Variants in ADARB2 observed in about 807,000 individuals in gnomAD.
The protein encoded by ADARB2 is inactive double-stranded RNA-specific editase B2.
ADARB2 carries 25 observed loss-of-function variants against 62.2 expected under a neutral mutation model. The observed-to-expected ratio is 0.40, with a 90% CI of 0.29 to 0.56. ADARB2 has a LOEUF of 0.56. Among genes scored for constraint, ADARB2 ranks in the 20% least tolerant of loss-of-function variants. The probability of loss-of-function intolerance (pLI) is 0.43; values close to 1 mark genes in which losing one functional copy is unlikely to be tolerated. For synonymous variants in ADARB2, 572 were observed against 500.8 expected (o/e 1.14, Z -1.90); for missense variants, 1,071 against 1,077.4 (o/e 0.99, Z 0.08).
intron 7 of ADARB2, among the ~76,000 whole-genome samples, chr10:1,213,891 C>G (rs1270416573): frequency 6.6e-6 from 1 of 151,482 alleles, no homozygotes; most frequent in Non-Finnish European, 1.5e-5. Context: ...TGCACCTGTG[C>G]CCGGACCTGC....
At chr10:1,733,252 C>T (rs1284197357) in intron 1 of ADARB2, among the ~76,000 whole-genome samples, 1 of 152,166 alleles carries the variant, frequency 6.6e-6, no homozygotes, top group Non-Finnish European at 1.5e-5. Flanking sequence ...TTTGGATTGG[C>T]CCTCAATCTA....
intron 1 of ADARB2, among the ~76,000 whole-genome samples, chr10:1,660,224 C>A (rs1025922267): frequency 4.6e-5 from 7 of 152,272 alleles, no homozygotes; most frequent in Non-Finnish European, 1.0e-4. Flanking sequence ...GCTCACAAAG[C>A]ACTGGCTACT....
intron 1 of ADARB2, among the ~76,000 whole-genome samples, chr10:1,389,663 A>G (rs1832552274): frequency 6.6e-6 from 1 of 152,124 alleles, no homozygotes; most frequent in South Asian, 2.1e-4. Context: ...GAATCGATTG[A>G]ACCGGGGAGG....
chr10:1,640,508 A>G (rs115106143), intron 1 of ADARB2, among the ~76,000 whole-genome samples: 2,469 of 152,336 alleles, frequency 0.016, 64 homozygotes, highest in African/African-American at 0.052. Context: ...AAATATGAGG[A>G]AAACACAATT....
intron 1 of ADARB2, among the ~76,000 whole-genome samples, chr10:1,539,741 A>G (rs1324673922): frequency 1.3e-5 from 2 of 152,252 alleles, no homozygotes; most frequent in Non-Finnish European, 2.9e-5. Flanking sequence ...AAAGTGTCAA[A>G]ATGAGCCACA....
chr10:1,198,246 G>A (rs1427099265), intron 8 of ADARB2, among the ~76,000 whole-genome samples: 1 of 152,140 alleles, frequency 6.6e-6, no homozygotes, highest in Non-Finnish European at 1.5e-5. Context: ...AGCTGATTTA[G>A]CCATATCTAA....
intron 1 of ADARB2, among the ~76,000 whole-genome samples, chr10:1,558,639 G>GC (rs1401298293): frequency 1.9e-4 from 24 of 126,436 alleles, no homozygotes; most frequent in East Asian, 4.7e-4. Context: ...TCCCACCTCT[G>GC]CCCCCCTCCG....
intron 1 of ADARB2, among the ~76,000 whole-genome samples, chr10:1,393,750 C>T (rs1276896610): frequency 6.6e-6 from 1 of 152,218 alleles, no homozygotes; most frequent in Admixed American, 6.5e-5. Context: ...GTTCTGTGTG[C>T]CCTTCCAGAT....
chr10:1,713,660 C>G (rs1479998589), intron 1 of ADARB2, among the ~76,000 whole-genome samples: 1 of 152,144 alleles, frequency 6.6e-6, no homozygotes. Context: ...CTGCAGAAGC[C>G]TGTTAAACAA....
chr10:1,435,817 A>T (rs1444506691), intron 1 of ADARB2, among the ~76,000 whole-genome samples: 3 of 152,220 alleles, frequency 2.0e-5, no homozygotes, highest in African/African-American at 7.2e-5. Flanking sequence ...TTTAGTCCAC[A>T]TGTCACTCAT....
intron 1 of ADARB2, among the ~76,000 whole-genome samples, chr10:1,558,524 C>A (rs1438668522): frequency 7.7e-6 from 1 of 129,598 alleles, no homozygotes; most frequent in Admixed American, 7.9e-5. Flanking sequence ...CACCTCTGTC[C>A]CCTTCTGTGG....
Position 1,722,086 on chromosome 10 carries a change from A to G in ADARB2, c.100+14965T>C, listed in dbSNP as rs530066289. On this transcript the variant is annotated intron_variant, in intron 1 of 9. Coordinates refer to ENST00000381312, the MANE Select transcript of ADARB2 (RefSeq NM_018702.4). Reference sequence around the variant, plus strand: ...AGATTGGGAACAGATGGGAAGAGCTATTTTAGTCAGTTGGTGTGTCATGAA... The same window carrying G: ...AGATTGGGAACAGATGGGAAGAGCTGTTTTAGTCAGTTGGTGTGTCATGAA... 1.4e-4 allele frequency among the ~76,000 whole-genome samples: 22 copies of G among 152,310 alleles called. No homozygotes were observed. In the East Asian group the frequency reaches 4.1e-3, roughly 28 times the overall value.
chr10:1,451,812 C>A (rs1321981717), intron 1 of ADARB2, among the ~76,000 whole-genome samples: 5 of 152,144 alleles, frequency 3.3e-5, no homozygotes, highest in African/African-American at 1.2e-4. Flanking sequence ...AGGAAGGGAG[C>A]CCCCACCATG....
rs540584696 is a variant in ADARB2, at chr10:1,653,724, T to TA, written c.100+83326dup. Among the ~76,000 whole-genome samples the TA allele has an allele frequency of 2.9e-3, 439 of 152,354 alleles. 3 individuals carry two copies. The highest frequency in any genetic ancestry group is 5.8e-3 in the South Asian group (28 of 4,828). On this transcript the variant is annotated intron_variant, in intron 1 of 9. Coordinates refer to ENST00000381312, the MANE Select transcript of ADARB2 (RefSeq NM_018702.4). ...GGTCTCATCTCCTCCCAAATCCTGT[T>TA]AAATTTCCCTGAATTTAGGACCAGG...
chr10:1,671,201 C>A (rs189274978), intron 1 of ADARB2, among the ~76,000 whole-genome samples: 1 of 152,320 alleles, frequency 6.6e-6, no homozygotes, highest in Non-Finnish European at 1.5e-5. Context: ...GCCGGCAAGC[C>A]ACAGCGTCTG....
intron 1 of ADARB2, among the ~76,000 whole-genome samples, chr10:1,698,875 C>T (rs2119137292): frequency 6.6e-6 from 1 of 152,344 alleles, no homozygotes; most frequent in East Asian, 1.9e-4. Flanking sequence ...TTCTCCCTGC[C>T]TCAGCCTCCT....
At chr10:1,293,542 G>A (rs529262544) in intron 3 of ADARB2, among the ~76,000 whole-genome samples, 3 of 152,274 alleles carry the variant, frequency 2.0e-5, no homozygotes, top group South Asian at 2.1e-4. Context: ...GGGCATTCTC[G>A]CTGGAAAGGC....
At chr10:1,645,339 G>A (rs2133475) in intron 1 of ADARB2, among the ~76,000 whole-genome samples, 2,229 of 152,338 alleles carry the variant, frequency 0.015, 47 homozygotes, top group African/African-American at 0.05. Flanking sequence ...TCCCTACTGG[G>A]AGGTTAGATG....
At chr10:1,428,882 GAC>G (rs150643981) in intron 1 of ADARB2, among the ~76,000 whole-genome samples, 16 of 149,846 alleles carry the variant, frequency 1.1e-4, no homozygotes, top group Admixed American at 2.7e-4. Flanking sequence ...CACACACACG[GAC>G]ACACACACAC....
Sources: gnomAD v4.1 joint callset for allele counts (sites outside exome capture counted in the v4.1 genomes callset) on GRCh38, gnomAD v4.1.1 for gene constraint, MANE v1.5 for transcripts, NCBI Gene and HGNC (gene_info 2026-07-23, HGNC 2026-07-21) for gene names.